BMP1: variants seen among roughly 807,000 people sequenced by gnomAD.
BMP1 encodes the protein mammalian tolloid protein.
BMP1 carries 63 observed loss-of-function variants against 116.8 expected under a neutral mutation model. That is an observed-to-expected ratio of 0.54 (90% confidence interval 0.44 to 0.67). The LOEUF is 0.67. Ranked by LOEUF, BMP1 falls within the 30% of genes least tolerant of loss-of-function variation. The pLI, the probability that BMP1 is intolerant of heterozygous loss-of-function variation, is 0.00. For missense variants in BMP1, 1,183 were observed against 1,358.9 expected (o/e 0.87, Z 2.04); for synonymous variants, 536 against 533.4 (o/e 1.00, Z -0.07).
At chr8:22,187,607 C>T (rs112632112) in intron 8 of BMP1, among the ~76,000 whole-genome samples, 27,672 of 150,334 alleles carry the variant, frequency 0.18, 4,712 homozygotes, top group African/African-American at 0.46. Flanking sequence ...CCTCAGCCTC[C>T]CAAAGTGCTG....
At position 22,187,829 on chromosome 8, in the gene BMP1, A is replaced by T. The variant is rs575661434; in HGVS notation, c.1078-4220A>T. On this transcript the variant is annotated intron_variant, in intron 8 of 19. Transcript: ENST00000306385. The stretch of plus-strand genomic sequence containing the variant: ...CTTACTGTGTGTTGGGCACTTGTAA[A>T]TTTTACACGTATATGAATTGAACTC... Among the ~76,000 whole-genome samples the T allele has an allele frequency of 2.6e-5, 4 of 152,176 alleles. No individual in the cohort carries two copies. In the South Asian group the frequency reaches 8.3e-4, roughly 32 times the overall value.
rs886062820 is a variant in BMP1, at chr8:22,209,491, C to T, written c.2622C>T (p.Tyr874=). 4 of 1,614,254 alleles carry T rather than the reference C, an allele frequency of 2.5e-6. No homozygotes were observed. Among genetic ancestry groups the T allele is most frequent in the South Asian group, 2.2e-5 (2 of 91,088 alleles). Residue 874 remains tyrosine (Y), a synonymous_variant, in exon 19 of 20, where the codon TAC becomes TAT. Transcript: ENST00000306385. ...VRADVKTKDL[Y]SHAQFGDNNY... ...CAGACGTGAAGACCAAGGACCTTTA[C>T]TCCCACGCCCAGTTTGGCGACAACA...
intron 8 of BMP1, among the ~76,000 whole-genome samples, chr8:22,186,602 G>A (rs1023853246): frequency 2.6e-5 from 4 of 152,130 alleles, no homozygotes; most frequent in Non-Finnish European, 5.9e-5. Flanking sequence ...AAGTAGCTGG[G>A]ACTATAGGCA....
At chr8:22,200,997 CACCCTG>C in intron 15 of BMP1, 1 of 319,190 alleles carries the variant, frequency 3.1e-6, no homozygotes, top group Non-Finnish European at 6.2e-6. Flanking sequence ...CCTCCCGCCC[CACCCTG>C]CCCCTCAGAT....
Position 22,194,330 on chromosome 8 carries a change from G to T in BMP1, c.1298-115G>T. 2 of 1,487,056 alleles carry T rather than the reference G, an allele frequency of 1.3e-6. No homozygotes were observed. Among genetic ancestry groups the T allele is most frequent in the Non-Finnish European group, 1.8e-6 (2 of 1,086,262 alleles). 92.1% of individuals were successfully genotyped at this position (1,487,056 alleles called of 1,614,324 possible). On this transcript the variant is annotated intron_variant, in intron 10 of 19. Transcript: ENST00000306385. The surrounding 1 kb of genome is among the most constrained non-coding windows in gnomAD (Gnocchi z 4.5). ...TGCCTGGGACTGGGGGTTTGGTGGGGAACTGAAAAGCTGGGGGACATGGGA... is the reference window on the plus strand; with the variant it reads ...TGCCTGGGACTGGGGGTTTGGTGGGTAACTGAAAAGCTGGGGGACATGGGA...
intron 8 of BMP1, among the ~76,000 whole-genome samples, chr8:22,186,744 G>C (rs552904127): frequency 5.9e-5 from 9 of 151,974 alleles, no homozygotes; most frequent in African/African-American, 2.2e-4. Context: ...GATTACAGGC[G>C]TGAGCCCCCA....
Position 22,211,616 on chromosome 8 carries a change from C to A in BMP1, c.2849C>A (p.Ala950Glu). The change falls in exon 20 of 20, where the codon GCG becomes GAG. Residue 950 changes from alanine (A) to glutamate (E), a missense_variant. Transcript: ENST00000306385. ...CAGCCTCCTGAGGAGGTGTACTCGG[C>A]GGGAGATTCTGTCCTGGTGAAGTTC... is the stretch of plus-strand genomic sequence containing the variant. ...GSGPPEEVYS[A>E]GDSVLVKFHS... is the part of the protein sequence containing the mutation. 1 of 1,614,188 alleles carries A rather than the reference C, an allele frequency of 6.2e-7. No homozygotes were observed. Among genetic ancestry groups the A allele is most frequent in the East Asian group, 2.2e-5 (1 of 44,882 alleles).
rs534217311 is a variant in BMP1, at chr8:22,194,374, A to G, written c.1298-71A>G. 281 of 1,584,698 alleles carry G rather than the reference A, an allele frequency of 1.8e-4. 8 individuals are homozygous for G. The South Asian group carries it at 3.1e-3, about 18-fold the overall frequency. On this transcript the variant is annotated intron_variant, in intron 10 of 19. Coordinates refer to ENST00000306385, the MANE Select transcript of BMP1 (RefSeq NM_006129.5). This position sits in a 1 kb window ranked among gnomAD's most constrained non-coding sequence, Gnocchi z 4.5. ...CATGGGAGGGACTGGAGGAGTGGGG[A>G]AAAGAGCTCCCTAGCAGGGCAAAGC...
In BMP1 at chr8:22,209,509, C is replaced by A. The variant is rs77242743; in HGVS notation, c.2640C>A (p.Gly880=). ...ACCTTTACTCCCACGCCCAGTTTGG[C>A]GACAACAACTACCCTGGGGGTGTGG... ...TKDLYSHAQF[G]DNNYPGGVDC... The change falls in exon 19 of 20, where the codon GGC becomes GGA. Residue 880 remains glycine, a synonymous_variant. Coordinates refer to ENST00000306385, the MANE Select transcript of BMP1 (RefSeq NM_006129.5). 163,578 of 1,614,182 alleles carry A rather than the reference C, an allele frequency of 0.1. 9,450 individuals carry two copies. Among genetic ancestry groups the A allele is most frequent in the Non-Finnish European group, 0.12 (142,536 of 1,180,022 alleles).
rs1312377453 is a variant in BMP1 at position 22,176,659 on chromosome 8, G to A, written c.551+9G>A. 1 of 1,613,598 alleles carries A rather than the reference G, an allele frequency of 6.2e-7. No individual in the cohort carries two copies. The highest frequency in any genetic ancestry group is 2.2e-5 in the East Asian group (1 of 44,870). ...ACCTATCGACCTTGCGGGTGAGCAG[G>A]AAGCCCTAGGCGCTGTACCTTCCGC... On this transcript the variant is annotated intron_variant, in intron 4 of 19. Coordinates refer to ENST00000306385, the MANE Select transcript of BMP1 (RefSeq NM_006129.5).
intron 2 of BMP1, 65 bp downstream of exon 2, chr8:22,173,780 A>G: frequency 7.4e-7 from 1 of 1,358,862 alleles, no homozygotes. Context: ...GGAAACAAGG[A>G]ATCTCCCTGT....
In BMP1 at chr8:22,176,955, C is replaced by T; in HGVS notation, c.552-6C>T. On this transcript the variant is annotated splice_polypyrimidine_tract_variant and splice_region_variant and intron_variant, in intron 4 of 19. Coordinates refer to ENST00000306385, the MANE Select transcript of BMP1 (RefSeq NM_006129.5). ...ACCGCCCCCCTGAGCTGGCCCCGCC[C>T]TCCAGGTGCTGCTCCTACGTGGGTC... The T allele has an allele frequency of 1.9e-6, 3 of 1,606,924 alleles. No individual in the cohort carries two copies. The highest frequency in any genetic ancestry group is 2.5e-6 in the Non-Finnish European group (3 of 1,176,842).
At chr8:22,197,940 T>A (rs370347848) in intron 15 of BMP1, among the ~76,000 whole-genome samples, 1 of 152,074 alleles carries the variant, frequency 6.6e-6, no homozygotes, top group African/African-American at 2.4e-5. Flanking sequence ...ATCCCAGCAC[T>A]CAGGAAGGCC....
rs768684119 is a variant in BMP1, at chr8:22,207,441, G to A, written c.2500G>A (p.Gly834Ser). The change falls in exon 18 of 20, where the codon GGC becomes AGC. Residue 834 changes from glycine to serine, a missense_variant. By Grantham distance (56) the Gly-to-Ser change is moderately conservative. This residue lies in a region of BMP1 where 956 missense variants were observed against 1,135.2 expected (regional missense o/e 0.84). Transcript: ENST00000306385. ...SKKPEPVLAT[G>S]SRMFLRFYSD... is the part of the protein sequence containing the mutation. Reference sequence around the variant, plus strand: ...GAAGCCCGAGCCCGTCCTGGCCACAGGCAGCCGCATGTTCCTGCGCTTCTA... The same window carrying A: ...GAAGCCCGAGCCCGTCCTGGCCACAAGCAGCCGCATGTTCCTGCGCTTCTA... 6 of 1,614,044 alleles carry A rather than the reference G, an allele frequency of 3.7e-6. No individual in the cohort carries two copies. The South Asian group carries it at 5.5e-5, about 15-fold the overall frequency.
At chr8:22,207,097 C>A in intron 17 of BMP1, 116 bp downstream of exon 17, 1 of 1,505,002 alleles carries the variant, frequency 6.6e-7, no homozygotes, top group Non-Finnish European at 9.0e-7. Context: ...CAGGAGACCC[C>A]AAGTCTGGCC....
chr8:22,201,064 C>CG, intron 15 of BMP1: 1 of 1,488,850 alleles, frequency 6.7e-7, no homozygotes, highest in Non-Finnish European at 9.2e-7. Context: ...TCCCTGGTCC[C>CG]TGCCCTCCAC....
chr8:22,212,251 G>A lies in BMP1; in HGVS notation c.*523G>A, dbSNP rs1310411099. 6.2e-6 allele frequency: 1 copy of A among 162,442 alleles called. No homozygotes were observed. Among genetic ancestry groups the A allele is most frequent in the Non-Finnish European group, 1.4e-5 (1 of 72,976 alleles). 10.1% of individuals were successfully genotyped at this position (162,442 alleles called of 1,614,324 possible). A position where few individuals can be genotyped will look rare whatever the true frequency, so the allele number is the denominator to read the frequency against. ...GGGGAGGGGATGGAGAAACAAGACA[G>A]GGCTTCTCTCAGGCCCAGTGGCCGG... On this transcript the variant is annotated 3_prime_UTR_variant, in exon 20 of 20. Transcript: ENST00000306385.
chr8:22,196,552 A>C, intron 13 of BMP1, 128 bp from the exon 14 acceptor site: 1 of 1,386,166 alleles, frequency 7.2e-7, no homozygotes, highest in Non-Finnish European at 1.0e-6. Flanking sequence ...GGGACCAGAC[A>C]CAGGTCCCTG....
rs776421848 is a variant in BMP1, at chr8:22,180,445, C to A, written c.1039C>A (p.His347Asn). 3 of 1,613,920 alleles carry A rather than the reference C, an allele frequency of 1.9e-6. No individual in the cohort carries two copies. The African/African-American group carries it at 4.0e-5, about 22-fold the overall frequency. Residue 347 changes from histidine to asparagine, a missense_variant, in exon 8 of 20, where the codon CAC (histidine) becomes AAC (asparagine). Physicochemically the swap from His to Asn is moderately conservative, Grantham distance 68. This residue lies in a region of BMP1 where 956 missense variants were observed against 1,135.2 expected (regional missense o/e 0.84). Coordinates refer to ENST00000306385, the MANE Select transcript of BMP1 (RefSeq NM_006129.5). ...CCCCAATGGCTACTCTGCTCACATG[C>A]ACTGCGTGTGGCGCATCTCTGTCAC... ...EYPNGYSAHM[H>N]CVWRISVTPG...
Sources: gnomAD v4.1 joint callset for allele counts (sites outside exome capture counted in the v4.1 genomes callset) on GRCh38, gnomAD v4.1.1 for gene constraint, gnomAD v4.1.1 regional missense constraint, Gnocchi (gnomAD v3.1) non-coding constraint, MANE v1.5 for transcripts, NCBI Gene and HGNC (gene_info 2026-07-23, HGNC 2026-07-21) for gene names.